Variants in LRRC69 observed in about 807,000 individuals in gnomAD.
LRRC69 encodes leucine-rich repeat-containing protein 69.
A neutral mutation model predicts 37.8 loss-of-function variants in LRRC69; 42 were observed. The observed-to-expected ratio is 1.11, with a 90% CI of 0.87 to 1.44. The LOEUF is 1.44. LRRC69 is among the 40% of genes most tolerant of loss of function. LRRC69 has a pLI of 0.00. For synonymous variants in LRRC69, 141 were observed against 143.1 expected (o/e 0.99, Z 0.11); for missense variants, 357 against 401.9 (o/e 0.89, Z 0.96).
At chr8:91,201,638 A>G (rs951110399) in intron 7 of LRRC69, among the ~76,000 whole-genome samples, 2 of 152,008 alleles carry the variant, frequency 1.3e-5, no homozygotes, top group African/African-American at 2.4e-5. Flanking sequence ...AGACTGTCTA[A>G]TGTTTGCTTT....
intron 5 of LRRC69, among the ~76,000 whole-genome samples, chr8:91,164,241 G>C (rs907911409): frequency 2.6e-5 from 4 of 151,620 alleles, no homozygotes; most frequent in Non-Finnish European, 5.9e-5. Flanking sequence ...ATAGTGATTA[G>C]AGGCAGTAAA....
chr8:91,173,982 T>A (rs1054663822), intron 5 of LRRC69, among the ~76,000 whole-genome samples: 3 of 151,228 alleles, frequency 2.0e-5, no homozygotes, highest in Middle Eastern at 3.2e-3. Context: ...GGACTTTTTA[T>A]TGAAAGAGAG....
chr8:91,154,240 G>GA (rs568539339), intron 5 of LRRC69, among the ~76,000 whole-genome samples: 91 of 144,292 alleles, frequency 6.3e-4, no homozygotes, highest in African/African-American at 1.4e-3. Flanking sequence ...ACCAACCAAA[G>GA]AAAAAAAAAA....
At position 91,183,102 on chromosome 8, in the gene LRRC69, A is replaced by T. The variant is rs186257427; in HGVS notation, c.652-6420A>T. Among the ~76,000 whole-genome samples, 137 of 152,316 alleles carry T rather than the reference A, an allele frequency of 9.0e-4. 1 individual carries two copies. The highest frequency in any genetic ancestry group is 3.2e-3 in the African/African-American group (132 of 41,570). On this transcript the variant is annotated intron_variant, in intron 5 of 7. Transcript: ENST00000448384. ...AGAAAACTGGAAGAAATTCAGTGTG[A>T]CTGGGGCTCACAGATTGTATGGGAG...
intron 6 of LRRC69, among the ~76,000 whole-genome samples, chr8:91,197,990 A>G (rs1809646900): frequency 1.3e-5 from 2 of 152,134 alleles, no homozygotes; most frequent in Admixed American, 1.3e-4. Flanking sequence ...AAGTGACTTA[A>G]ATTGATTTGT....
chr8:91,176,134 A>ATTTTTTTT (rs771986461), intron 5 of LRRC69, among the ~76,000 whole-genome samples: 14 of 75,698 alleles, frequency 1.8e-4, no homozygotes, highest in South Asian at 5.8e-4. Flanking sequence ...ATATATATAT[A>ATTTTTTTT]TTTTTTTTTT....
At chr8:91,212,341 A>ATTT (rs1809944492) in intron 7 of LRRC69, among the ~76,000 whole-genome samples, 1 of 152,080 alleles carries the variant, frequency 6.6e-6, no homozygotes, top group Admixed American at 6.6e-5. Flanking sequence ...TGAACTTAAC[A>ATTT]TTTCCCCAGA....
intron 1 of LRRC69, chr8:91,118,504 G>A: frequency 3.5e-6 from 1 of 283,628 alleles, no homozygotes; most frequent in Non-Finnish European, 6.8e-6. Context: ...ACGCCAGCCT[G>A]GGTGACAGAG....
chr8:91,177,850 C>CTTTT lies in LRRC69; in HGVS notation c.652-11659_652-11656dup, dbSNP rs10645044. On this transcript the variant is annotated intron_variant, in intron 5 of 7. Coordinates refer to ENST00000448384, the Ensembl canonical transcript of LRRC69. ...CTAATACTAAATGTTTTCTGCTTTT[C>CTTTT]TTTTTTTTTTTTTTTTGAGACAGAG... Among the ~76,000 whole-genome samples the CTTTT allele has an allele frequency of 6.1e-3, 804 of 130,816 alleles. 30 individuals carry two copies. The highest frequency in any genetic ancestry group is 0.022 in the African/African-American group (748 of 34,030). The allele number at this position is 130,816 out of a possible 152,430, so 85.8% of individuals were successfully genotyped here.
Position 91,200,621 on chromosome 8 carries a change from A to G in LRRC69, c.762A>G (p.Thr254=), listed in dbSNP as rs201579811. 2.2e-4 allele frequency: 322 copies of G among 1,443,076 alleles called. 1 individual carries two copies. The highest frequency in any genetic ancestry group is 4.5e-4 in the South Asian group (30 of 67,046). The allele number at this position is 1,443,076 out of a possible 1,614,324, so 89.4% of individuals were successfully genotyped here. A position where few individuals can be genotyped will look rare whatever the true frequency, so the allele number is the denominator to read the frequency against. ...TTTTTTTTTCAATTTAGGAAATAAC[A>G]TCAAGATTTGTAATGAATCAGCTAG... The change falls in exon 7 of 8, where the codon ACA becomes ACG. Residue 254 remains threonine, a synonymous_variant. Coordinates refer to ENST00000448384, the Ensembl canonical transcript of LRRC69.
intron 4 of LRRC69, 83 bp from the exon 5 acceptor site, chr8:91,135,585 G>T: frequency 1.2e-6 from 1 of 853,872 alleles, no homozygotes; most frequent in Non-Finnish European, 1.8e-6. Context: ...TCATCATGTT[G>T]GAGCTTTAAA....
intron 1 of LRRC69, among the ~76,000 whole-genome samples, chr8:91,120,630 G>A (rs969236129): frequency 6.6e-6 from 1 of 152,142 alleles, no homozygotes; most frequent in East Asian, 1.9e-4. Context: ...CTTCCTTGCA[G>A]TTAAGGGAAA....
intron 1 of LRRC69, among the ~76,000 whole-genome samples, chr8:91,110,450 A>C (rs532330512): frequency 6.6e-6 from 1 of 152,106 alleles, no homozygotes; most frequent in East Asian, 1.9e-4. Flanking sequence ...GACCAGCCTT[A>C]CCAACATGGT....
chr8:91,148,224 C>A (rs998217579), intron 5 of LRRC69, among the ~76,000 whole-genome samples: 27 of 150,430 alleles, frequency 1.8e-4, no homozygotes, highest in Admixed American at 8.7e-4. Flanking sequence ...TAATGCTATA[C>A]CTCCCCGCTC....
At chr8:91,206,151 A>G (rs943608579) in intron 7 of LRRC69, among the ~76,000 whole-genome samples, 11 of 152,232 alleles carry the variant, frequency 7.2e-5, no homozygotes, top group Non-Finnish European at 1.3e-4. Context: ...GATAAATCAG[A>G]TCTGGATTTG....
At chr8:91,204,456 TCTATG>T (rs1809765066) in intron 7 of LRRC69, among the ~76,000 whole-genome samples, 1 of 152,204 alleles carries the variant, frequency 6.6e-6, no homozygotes, top group Non-Finnish European at 1.5e-5. Flanking sequence ...TAATATGGCC[TCTATG>T]CTGGGGAGAA....
At chr8:91,195,603 CTTCT>C (rs1317983368) in intron 6 of LRRC69, among the ~76,000 whole-genome samples, 2 of 151,208 alleles carry the variant, frequency 1.3e-5, no homozygotes, top group South Asian at 2.1e-4. Flanking sequence ...ATGTAATGGC[CTTCT>C]TTGTCTCTTT....
chr8:91,176,002 C>G (rs542251089), intron 5 of LRRC69, among the ~76,000 whole-genome samples: 1 of 151,126 alleles, frequency 6.6e-6, no homozygotes, highest in East Asian at 1.9e-4. Context: ...GTAGGTATCT[C>G]TATTACAGAA....
chr8:91,199,834 A>G (rs1563623228), intron 6 of LRRC69, among the ~76,000 whole-genome samples: 1 of 152,200 alleles, frequency 6.6e-6, no homozygotes. Flanking sequence ...TTTATGCATT[A>G]TGTAATATAT....
Sources: allele counts gnomAD v4.1 joint callset (sites outside exome capture counted in the v4.1 genomes callset), GRCh38; gene constraint gnomAD v4.1.1; transcripts MANE v1.5; gene names NCBI Gene and HGNC (gene_info 2026-07-23, HGNC 2026-07-21).